The following RASAL2 variants were observed in gnomAD, a reference collection of about 807,000 sequenced individuals.
The protein encoded by RASAL2 is RAS protein activator like 2.
Under a neutral mutation model 128.9 loss-of-function variants are expected in RASAL2, and 58 were observed. The ratio of observed to expected loss-of-function variants is 0.45; its 90% CI spans 0.36 to 0.56. The LOEUF is 0.56. Ranked by LOEUF, RASAL2 falls within the 20% of genes least tolerant of loss-of-function variation. The pLI is 0.00. For synonymous variants in RASAL2, 561 were observed against 580.8 expected, an observed-to-expected ratio of 0.97 and a Z score of 0.49; for missense variants, 1,360 against 1,601.6, an observed-to-expected ratio of 0.85 and a Z score of 2.57.
At position 178,454,604 on chromosome 1, in the gene RASAL2, G is replaced by T. The variant is rs770353442; in HGVS notation, c.2167G>T (p.Val723Phe). 6.2e-7 allele frequency: 1 copy of T among 1,613,804 alleles called. No individual in the cohort carries two copies. The highest frequency in any genetic ancestry group is 8.5e-7 in the Non-Finnish European group (1 of 1,179,846). Reference protein sequence around the residue: ...GYIDLGRELSVLHSLLWEVVS... With the variant: ...GYIDLGRELSFLHSLLWEVVS... ...CATTGATCTGGGCCGAGAGCTTTCA[G>T]TTTTGCATTCCTTACTGTGGGAAGT... Residue 723 changes from valine (V) to phenylalanine (F), a missense_variant, in exon 12 of 18, where the codon GTT becomes TTT. This residue lies in a region of RASAL2 where 741 missense variants were observed against 868.6 expected (regional missense o/e 0.85). Coordinates refer to ENST00000367649, the MANE Select transcript of RASAL2 (RefSeq NM_170692.4).
At chr1:178,361,645 G>C (rs1671112655) in intron 3 of RASAL2, among the ~76,000 whole-genome samples, 3 of 151,938 alleles carry the variant, frequency 2.0e-5, no homozygotes. Flanking sequence ...GTGCTCCCCA[G>C]CCTTTTTGGC....
At chr1:178,456,650 G>A (rs762864944) in intron 12 of RASAL2, 71 bp from the exon 13 acceptor site, 2 of 1,541,836 alleles carry the variant, frequency 1.3e-6, no homozygotes, top group Middle Eastern at 1.7e-4. Flanking sequence ...GGCCATCGTT[G>A]TGCCAAAAAC....
chr1:178,248,190 T>C (rs1288796041), intron 1 of RASAL2, among the ~76,000 whole-genome samples: 1 of 152,186 alleles, frequency 6.6e-6, no homozygotes, highest in Non-Finnish European at 1.5e-5. Context: ...CCAACTATTA[T>C]TGTGTGGGAG....
At chr1:178,279,362 G>C (rs1213795553) in intron 1 of RASAL2, among the ~76,000 whole-genome samples, 2 of 152,044 alleles carry the variant, frequency 1.3e-5, no homozygotes, top group Admixed American at 1.3e-4. Context: ...TGGCTCACAT[G>C]GTCTGTTTGT....
chr1:178,156,811 A>C (rs1661100922), intron 1 of RASAL2, among the ~76,000 whole-genome samples: 1 of 152,198 alleles, frequency 6.6e-6, no homozygotes, highest in Admixed American at 6.5e-5. Context: ...ATACAGTGAT[A>C]TTCTTAGGTA....
At chr1:178,122,711 G>A (rs1010557641) in intron 1 of RASAL2, among the ~76,000 whole-genome samples, 5 of 152,000 alleles carry the variant, frequency 3.3e-5, no homozygotes, top group Admixed American at 6.6e-5. Context: ...TGAATGTCTT[G>A]TAATATATAA....
chr1:178,208,094 T>A (rs1663119236), intron 1 of RASAL2, among the ~76,000 whole-genome samples: 2 of 152,358 alleles, frequency 1.3e-5, no homozygotes, highest in South Asian at 4.1e-4. Context: ...CCACTGTGAT[T>A]ATTGTGTTAA....
chr1:178,441,414 C>G, intron 6 of RASAL2, 135 bp from the exon 7 acceptor site: 1 of 588,506 alleles, frequency 1.7e-6, no homozygotes, highest in Non-Finnish European at 3.0e-6. Context: ...TTTTTCTTAT[C>G]TATCCATCCA....
chr1:178,393,979 G>A (rs907541656), intron 4 of RASAL2, among the ~76,000 whole-genome samples: 24 of 152,332 alleles, frequency 1.6e-4, no homozygotes, highest in Admixed American at 3.3e-4. Flanking sequence ...AAGAGATCAT[G>A]TGGGATAAGA....
intron 9 of RASAL2, among the ~76,000 whole-genome samples, chr1:178,449,454 A>C (rs1256096515): frequency 6.6e-6 from 1 of 152,132 alleles, no homozygotes; most frequent in African/African-American, 2.4e-5. Flanking sequence ...TGAAATTTTT[A>C]TGCCAGATAG....
At chr1:178,309,932 A>G (rs377181286) in intron 3 of RASAL2, among the ~76,000 whole-genome samples, 1 of 152,140 alleles carries the variant, frequency 6.6e-6, no homozygotes, top group Non-Finnish European at 1.5e-5. Context: ...GGCTAATAAC[A>G]CTCATGCAGT....
chr1:178,434,013 C>A (rs573185713), intron 5 of RASAL2, among the ~76,000 whole-genome samples: 14 of 152,058 alleles, frequency 9.2e-5, no homozygotes, highest in African/African-American at 3.4e-4. Context: ...GACTAAAAGT[C>A]TAGCAACTGA....
At chr1:178,275,002 A>G (rs1018858873) in intron 1 of RASAL2, among the ~76,000 whole-genome samples, 2 of 152,096 alleles carry the variant, frequency 1.3e-5, no homozygotes, top group African/African-American at 4.8e-5. Context: ...AATATTTTAT[A>G]TTTTTCTGTT....
At chr1:178,438,881 CTGTG>C (rs3042589) in intron 5 of RASAL2, among the ~76,000 whole-genome samples, 20,541 of 129,172 alleles carry the variant, frequency 0.16, 1,522 homozygotes, top group Middle Eastern at 0.24. Context: ...AGCTTCGACT[CTGTG>C]TGTGTGTGTG....
intron 3 of RASAL2, among the ~76,000 whole-genome samples, chr1:178,357,586 G>T (rs1318302535): frequency 2.6e-5 from 4 of 151,944 alleles, no homozygotes; most frequent in Non-Finnish European, 5.9e-5. Flanking sequence ...TTTTCCAAAT[G>T]AATGGTAGTA....
intron 5 of RASAL2, among the ~76,000 whole-genome samples, chr1:178,429,577 T>G (rs1347859703): frequency 6.6e-6 from 1 of 152,124 alleles, no homozygotes; most frequent in Non-Finnish European, 1.5e-5. Flanking sequence ...GAATCTGTTT[T>G]ATCTAGGTGT....
chr1:178,219,420 G>A (rs1663539267), intron 1 of RASAL2, among the ~76,000 whole-genome samples: 1 of 152,052 alleles, frequency 6.6e-6, no homozygotes, highest in Non-Finnish European at 1.5e-5. Context: ...GGCTGAGGCT[G>A]GTGGATCGCT....
intron 1 of RASAL2, among the ~76,000 whole-genome samples, chr1:178,168,274 CAA>C (rs542156463): frequency 4.2e-4 from 53 of 125,076 alleles, no homozygotes; most frequent in African/African-American, 1.3e-3. Flanking sequence ...TGTGAGAAGC[CAA>C]AAAAAAAAAA....
intron 3 of RASAL2, among the ~76,000 whole-genome samples, chr1:178,352,079 T>C (rs1488314213): frequency 6.6e-6 from 1 of 152,250 alleles, no homozygotes; most frequent in East Asian, 1.9e-4. Context: ...AAGGAATCTT[T>C]GGCCAACAAC....
Sources: allele counts gnomAD v4.1 joint callset (sites outside exome capture counted in the v4.1 genomes callset), GRCh38; gene constraint gnomAD v4.1.1; regional missense constraint gnomAD v4.1.1; transcripts MANE v1.5; gene names NCBI Gene and HGNC (gene_info 2026-07-23, HGNC 2026-07-21).